ROBO2: variants seen among roughly 807,000 people sequenced by gnomAD.
ROBO2 encodes the protein roundabout guidance receptor 2, also known as roundabout homolog 2.
Under a neutral mutation model 160.8 loss-of-function variants are expected in ROBO2, and 53 were observed. That is an observed-to-expected ratio of 0.33 (90% CI 0.26 to 0.41). ROBO2 has a LOEUF of 0.41. Ranked by LOEUF, ROBO2 falls within the 10% of genes least tolerant of loss-of-function variation. The probability of loss-of-function intolerance (pLI) is 1.00; values close to 1 mark genes in which losing one functional copy is unlikely to be tolerated. For missense variants in ROBO2, 1,577 were observed against 1,722.4 expected (o/e 0.92, Z 1.49); for synonymous variants, 664 against 611.7 (o/e 1.09, Z -1.26).
At chr3:76,960,075 T>A (rs1167122274) in intron 2 of ROBO2, among the ~76,000 whole-genome samples, 1 of 152,018 alleles carries the variant, frequency 6.6e-6, no homozygotes, top group Non-Finnish European at 1.5e-5. Flanking sequence ...TCTGAGTATC[T>A]CAGAAAAACA....
intron 2 of ROBO2, among the ~76,000 whole-genome samples, chr3:77,245,262 T>C (rs2089590506): frequency 6.6e-6 from 1 of 152,178 alleles, no homozygotes; most frequent in African/African-American, 2.4e-5. Flanking sequence ...TTTATTTTAT[T>C]TCCTTTTCAT....
chr3:77,160,551 A>T (rs1420596294), intron 2 of ROBO2, among the ~76,000 whole-genome samples: 1 of 152,150 alleles, frequency 6.6e-6, no homozygotes. Flanking sequence ...TGATATAATG[A>T]AAAAAGGAGT....
intron 22 of ROBO2, 31 bp downstream of exon 23, chr3:77,617,804 T>C (rs746645393): frequency 7.5e-6 from 12 of 1,608,640 alleles, no homozygotes; most frequent in South Asian, 1.1e-5. Context: ...AAGAGACCCA[T>C]GCTTTCAACA....
At chr3:77,234,051 C>T (rs912762593) in intron 2 of ROBO2, among the ~76,000 whole-genome samples, 1 of 152,184 alleles carries the variant, frequency 6.6e-6, no homozygotes, top group African/African-American at 2.4e-5. Flanking sequence ...TTGCTCTTTA[C>T]AGCCTAACCA....
At chr3:76,055,434 C>T (rs896064774) in intron 2 of ROBO2, among the ~76,000 whole-genome samples, 3 of 152,136 alleles carry the variant, frequency 2.0e-5, no homozygotes, top group African/African-American at 7.2e-5. Context: ...TTCTAGTGCA[C>T]CTGTCACCCA....
chr3:75,943,825 C>T (rs557013774), intron 2 of ROBO2, among the ~76,000 whole-genome samples: 3 of 151,926 alleles, frequency 2.0e-5, no homozygotes, highest in South Asian at 2.1e-4. Flanking sequence ...CTCAGGCTCC[C>T]GAGTAGCTGG....
At chr3:76,572,099 G>A (rs1418724116) in intron 2 of ROBO2, among the ~76,000 whole-genome samples, 1 of 152,052 alleles carries the variant, frequency 6.6e-6, no homozygotes, top group Non-Finnish European at 1.5e-5. Flanking sequence ...AATAATATGT[G>A]GCACTTACTA....
chr3:77,368,622 A>C (rs998743274), intron 2 of ROBO2, among the ~76,000 whole-genome samples: 2 of 152,218 alleles, frequency 1.3e-5, no homozygotes, highest in African/African-American at 4.8e-5. Flanking sequence ...TAATATGCCC[A>C]CTTCAGGTGC....
intron 2 of ROBO2, among the ~76,000 whole-genome samples, chr3:76,141,212 A>G (rs1216810800): frequency 9.7e-6 from 1 of 102,666 alleles, no homozygotes; most frequent in Non-Finnish European, 2.0e-5. Context: ...TATATATATC[A>G]GACATTAAAA....
At chr3:76,897,177 C>G (rs2074853087) in intron 2 of ROBO2, among the ~76,000 whole-genome samples, 1 of 152,108 alleles carries the variant, frequency 6.6e-6, no homozygotes, top group South Asian at 2.1e-4. Flanking sequence ...TATGATGGAT[C>G]TATCAGTAGT....
At chr3:76,137,439 A>T (rs940773135) in intron 2 of ROBO2, among the ~76,000 whole-genome samples, 2 of 152,014 alleles carry the variant, frequency 1.3e-5, no homozygotes, top group Non-Finnish European at 2.9e-5. Context: ...GATGAATCCA[A>T]TTTTTCCGAA....
chr3:76,491,396 A>G (rs1460306171), intron 2 of ROBO2, among the ~76,000 whole-genome samples: 1 of 152,148 alleles, frequency 6.6e-6, no homozygotes, highest in Non-Finnish European at 1.5e-5. Context: ...TTCTACTTAT[A>G]AACCCAAAGT....
chr3:76,218,033 A>C lies in ROBO2; in HGVS notation c.109+280431A>C, dbSNP rs191775959. On this transcript the variant is annotated intron_variant, in intron 2 of 26. Coordinates refer to the ROBO2 transcript ENST00000487694. ...ATACGCAAATCAATAAATGTAATCC[A>C]GCATATAAACAGAACCAAAGACAAA... is the stretch of plus-strand genomic sequence containing the variant. Among the ~76,000 whole-genome samples the C allele has an allele frequency of 5.9e-5, 9 of 152,348 alleles. No homozygotes were observed. In the East Asian group the frequency reaches 1.7e-3, roughly 29 times the overall value.
chr3:77,236,404 G>A (rs913607707), intron 2 of ROBO2, among the ~76,000 whole-genome samples: 3 of 152,190 alleles, frequency 2.0e-5, no homozygotes, highest in Non-Finnish European at 2.9e-5. Context: ...ATGCTGGTCA[G>A]CTTTTCCTGA....
intron 2 of ROBO2, among the ~76,000 whole-genome samples, chr3:76,103,418 A>G (rs542100853): frequency 9.2e-5 from 14 of 152,314 alleles, no homozygotes; most frequent in African/African-American, 3.4e-4. Flanking sequence ...AACTGAAGAA[A>G]ACAGAGGTGT....
chr3:77,477,289 T>C, intron 2 of ROBO2, 125 bp from the exon 3 acceptor site: 3 of 920,710 alleles, frequency 3.3e-6, no homozygotes. Flanking sequence ...TGTAGCTATG[T>C]TCTCAGTAAA....
At chr3:77,562,541 C>T in intron 9 of ROBO2, 110 bp from the exon 11 acceptor site, 2 of 744,402 alleles carry the variant, frequency 2.7e-6, no homozygotes, top group Non-Finnish European at 4.7e-6. Flanking sequence ...ATTTAGACAA[C>T]AAAATGATAC....
intron 2 of ROBO2, among the ~76,000 whole-genome samples, chr3:76,544,314 A>G (rs1218831329): frequency 1.3e-5 from 2 of 152,060 alleles, no homozygotes; most frequent in Non-Finnish European, 2.9e-5. Context: ...GGTTGATTTC[A>G]CCCCATGTTG....
intron 2 of ROBO2, among the ~76,000 whole-genome samples, chr3:76,740,998 A>G (rs2093793344): frequency 6.6e-6 from 1 of 152,104 alleles, no homozygotes; most frequent in African/African-American, 2.4e-5. Flanking sequence ...CAGTTTTGAA[A>G]GACCAATGGC....
Sources: allele counts gnomAD v4.1 joint callset (sites outside exome capture counted in the v4.1 genomes callset), GRCh38; gene constraint gnomAD v4.1.1; transcripts MANE v1.5; gene names NCBI Gene and HGNC (gene_info 2026-07-23, HGNC 2026-07-21).